PHYHIPL: variants seen among roughly 807,000 people sequenced by gnomAD.
PHYHIPL encodes the protein phytanoyl-CoA 2-hydroxylase interacting protein like, also known as phytanoyl-CoA hydroxylase-interacting protein-like.
In PHYHIPL, 9 loss-of-function variants were observed where a neutral mutation model predicts 33.4. The observed-to-expected ratio is 0.27, with a 90% CI of 0.16 to 0.47. PHYHIPL has a LOEUF of 0.47. PHYHIPL is among the 20% of genes least tolerant of loss of function. The pLI is 0.99. For synonymous variants in PHYHIPL, 153 were observed against 154.1 expected, an observed-to-expected ratio of 0.99 and a Z score of 0.05; for missense variants, 365 against 460.7, an observed-to-expected ratio of 0.79 and a Z score of 1.90.
chr10:59,204,379 A>T (rs1839226381), intron 1 of PHYHIPL, among the ~76,000 whole-genome samples: 1 of 152,224 alleles, frequency 6.6e-6, no homozygotes, highest in African/African-American at 2.4e-5. Flanking sequence ...ATTACAAGTT[A>T]AATAAAGTTA....
chr10:59,228,336 GTT>G (rs1231005442), intron 1 of PHYHIPL, among the ~76,000 whole-genome samples: 1 of 152,034 alleles, frequency 6.6e-6, no homozygotes, highest in East Asian at 1.9e-4. Context: ...AGTGATATTT[GTT>G]TTTTCCTAAA....
intron 1 of PHYHIPL, among the ~76,000 whole-genome samples, chr10:59,179,378 A>G (rs1020557439): frequency 6.6e-6 from 1 of 152,192 alleles, no homozygotes; most frequent in South Asian, 2.1e-4. Context: ...CAGAAGATCT[A>G]TTTTGTGTTT....
At chr10:59,187,603 T>C (rs1156798093) in intron 1 of PHYHIPL, among the ~76,000 whole-genome samples, 1 of 152,168 alleles carries the variant, frequency 6.6e-6, no homozygotes, top group Non-Finnish European at 1.5e-5. Context: ...CCTGGACCTT[T>C]TTTGGTTGGT....
At chr10:59,239,254 C>A (rs1226374083) in intron 4 of PHYHIPL, among the ~76,000 whole-genome samples, 1 of 151,962 alleles carries the variant, frequency 6.6e-6, no homozygotes, top group African/African-American at 2.4e-5. Context: ...TTCCACATGG[C>A]TGGAGAGGCC....
chr10:59,178,021 G>A (rs547240883), intron 1 of PHYHIPL, among the ~76,000 whole-genome samples: 2 of 152,194 alleles, frequency 1.3e-5, no homozygotes, highest in East Asian at 1.9e-4. Context: ...ATACTAATAC[G>A]CTCACAGTAA....
At chr10:59,240,470 G>A (rs1039390311) in intron 4 of PHYHIPL, among the ~76,000 whole-genome samples, 1 of 151,536 alleles carries the variant, frequency 6.6e-6, no homozygotes, top group Non-Finnish European at 1.5e-5. Context: ...CCTACAGTTG[G>A]GCAAAATTAT....
At chr10:59,222,403 G>A (rs893812345) in intron 1 of PHYHIPL, among the ~76,000 whole-genome samples, 2 of 151,858 alleles carry the variant, frequency 1.3e-5, no homozygotes, top group Non-Finnish European at 2.9e-5. Context: ...TAATAAAAGC[G>A]AAATATTCTT....
intron 1 of PHYHIPL, among the ~76,000 whole-genome samples, chr10:59,185,130 A>G (rs1838545778): frequency 6.7e-6 from 1 of 149,856 alleles, no homozygotes; most frequent in African/African-American, 2.4e-5. Flanking sequence ...AGCTGGGACT[A>G]CAGGCGCCCG....
chr10:59,207,270 A>G (rs1356861236), intron 1 of PHYHIPL, among the ~76,000 whole-genome samples: 1 of 152,160 alleles, frequency 6.6e-6, no homozygotes, highest in Non-Finnish European at 1.5e-5. Context: ...GGTGCAGCCA[A>G]CAGAGGGCCA....
At chr10:59,239,406 C>G (rs192391728) in intron 4 of PHYHIPL, among the ~76,000 whole-genome samples, 42 of 152,050 alleles carry the variant, frequency 2.8e-4, no homozygotes, top group African/African-American at 9.2e-4. Flanking sequence ...GAGAACAGCA[C>G]AGGAAAGATT....
chr10:59,184,040 G>C (rs1251605889), intron 1 of PHYHIPL, among the ~76,000 whole-genome samples: 1 of 152,146 alleles, frequency 6.6e-6, no homozygotes, highest in Non-Finnish European at 1.5e-5. Context: ...TTTAAAAGCT[G>C]TTGATAAATG....
intron 1 of PHYHIPL, among the ~76,000 whole-genome samples, chr10:59,187,443 C>G (rs1476849442): frequency 1.3e-5 from 2 of 152,164 alleles, no homozygotes; most frequent in African/African-American, 4.8e-5. Context: ...TGTTGTGTCT[C>G]TGCCAGGCTT....
intron 1 of PHYHIPL, among the ~76,000 whole-genome samples, chr10:59,227,692 G>C (rs1299901060): frequency 6.6e-6 from 1 of 152,126 alleles, no homozygotes; most frequent in Non-Finnish European, 1.5e-5. Context: ...GGAGAAATTA[G>C]CTGAAACACA....
At chr10:59,205,402 GT>G (rs1049234654) in intron 1 of PHYHIPL, among the ~76,000 whole-genome samples, 5 of 152,010 alleles carry the variant, frequency 3.3e-5, no homozygotes, top group African/African-American at 9.7e-5. Context: ...TTACAACCAT[GT>G]TTTTCTTTCA....
At chr10:59,203,306 T>A (rs1298758594) in intron 1 of PHYHIPL, among the ~76,000 whole-genome samples, 3 of 152,218 alleles carry the variant, frequency 2.0e-5, no homozygotes, top group Admixed American at 2.0e-4. Flanking sequence ...GGAACACTTT[T>A]ACACTGTTGC....
chr10:59,204,043 A>T (rs1272356190), intron 1 of PHYHIPL, among the ~76,000 whole-genome samples: 2 of 152,216 alleles, frequency 1.3e-5, no homozygotes, highest in Non-Finnish European at 2.9e-5. Context: ...GGGAATTTAC[A>T]TCAAGATCAA....
intron 1 of PHYHIPL, among the ~76,000 whole-genome samples, chr10:59,222,288 T>TA (rs1380521103): frequency 6.6e-6 from 1 of 151,932 alleles, no homozygotes; most frequent in African/African-American, 2.4e-5. Context: ...TTAATGAGAT[T>TA]AAAAAACTGT....
chr10:59,202,092 C>T (rs191178094), intron 1 of PHYHIPL, among the ~76,000 whole-genome samples: 14 of 152,134 alleles, frequency 9.2e-5, no homozygotes, highest in East Asian at 1.9e-4. Flanking sequence ...ATCACTCCAA[C>T]GAAGGCTTAG....
At chr10:59,180,499 G>C (rs891396698) in intron 1 of PHYHIPL, among the ~76,000 whole-genome samples, 2 of 151,232 alleles carry the variant, frequency 1.3e-5, no homozygotes, top group Non-Finnish European at 2.9e-5. Flanking sequence ...TACCCTCAAG[G>C]CTTCGTGGCT....
Sources: gnomAD v4.1 joint callset for allele counts (sites outside exome capture counted in the v4.1 genomes callset) on GRCh38, gnomAD v4.1.1 for gene constraint, MANE v1.5 for transcripts, NCBI Gene and HGNC (gene_info 2026-07-23, HGNC 2026-07-21) for gene names.